The following NRCAM variants were observed in gnomAD, a reference collection of about 807,000 sequenced individuals.
NRCAM encodes neuronal cell adhesion molecule, also known as NgCAM-related cell adhesion molecule.
A neutral mutation model predicts 156.5 loss-of-function variants in NRCAM; 83 were observed. That is an observed-to-expected ratio of 0.53 (90% CI 0.44 to 0.64). The LOEUF is 0.64. Ranked by LOEUF, NRCAM falls within the 30% of genes least tolerant of loss-of-function variation. NRCAM has a pLI of 0.00. For missense variants in NRCAM, 1,417 were observed against 1,597.3 expected, an observed-to-expected ratio of 0.89 and a Z score of 1.92; for synonymous variants, 538 against 563.9, an observed-to-expected ratio of 0.95 and a Z score of 0.65.
intron 2 of NRCAM, among the ~76,000 whole-genome samples, chr7:108,323,751 T>C (rs2154215456): frequency 6.6e-6 from 1 of 152,138 alleles, no homozygotes; most frequent in South Asian, 2.1e-4. Context: ...ATATTGTGTT[T>C]TAGGTTGCAA....
In NRCAM at chr7:108,180,260, T is replaced by C; in HGVS notation, c.2814A>G (p.Pro938=). 9 of 1,614,254 alleles carry C rather than the reference T, an allele frequency of 5.6e-6. No individual in the cohort carries two copies. Among genetic ancestry groups the C allele is most frequent in the Non-Finnish European group, 7.6e-6 (9 of 1,180,038 alleles). The change falls in exon 25 of 33, where the codon CCA becomes CCG. Residue 938 remains proline, a synonymous_variant. Coordinates refer to ENST00000379028, the MANE Select transcript of NRCAM (RefSeq NM_001037132.4). ...TATTAAAGACTCTGTCAGGGCTGGCTGGGCCCTCCCCTTTCCCATTGACCA... is the reference window on the plus strand; with the variant it reads ...TATTAAAGACTCTGTCAGGGCTGGCCGGGCCCTCCCCTTTCCCATTGACCA... ...VRVVNGKGEG[P]ASPDRVFNTP... is the part of the protein sequence containing the mutation.
intron 2 of NRCAM, among the ~76,000 whole-genome samples, chr7:108,314,808 T>G (rs926338483): frequency 2.0e-5 from 3 of 152,212 alleles, no homozygotes; most frequent in Non-Finnish European, 4.4e-5. Flanking sequence ...AATCTGCTAT[T>G]ACAAGCAGTA....
chr7:108,285,628 C>G (rs1194562317), intron 3 of NRCAM, among the ~76,000 whole-genome samples: 1 of 152,190 alleles, frequency 6.6e-6, no homozygotes, highest in Non-Finnish European at 1.5e-5. Context: ...TCTCTCCAGA[C>G]TAGTGTCTTG....
At chr7:108,357,836 C>G (rs562708643) in intron 2 of NRCAM, among the ~76,000 whole-genome samples, 1 of 152,196 alleles carries the variant, frequency 6.6e-6, no homozygotes, top group East Asian at 1.9e-4. Context: ...TTGGGTTTTC[C>G]CCTCCATCTG....
At chr7:108,209,812 A>G (rs376163500) in intron 11 of NRCAM, among the ~76,000 whole-genome samples, 1 of 152,228 alleles carries the variant, frequency 6.6e-6, no homozygotes, top group South Asian at 2.1e-4. Context: ...TTGATGGCAC[A>G]CCATAAACTT....
In NRCAM at chr7:108,387,953, G is replaced by A. The variant is rs576633730; in HGVS notation, c.-174+11483C>T. On this transcript the variant is annotated intron_variant, in intron 2 of 32. Transcript: ENST00000379028. ...TGTGCCACATTTTCTTAATCCAGTC[G>A]ATCATTGATGGACATTTGAGTTGGT... Among the ~76,000 whole-genome samples, 21 of 152,092 alleles carry A rather than the reference G, an allele frequency of 1.4e-4. No homozygotes were observed. In the East Asian group the frequency reaches 2.1e-3, roughly 15 times the overall value.
intron 2 of NRCAM, among the ~76,000 whole-genome samples, chr7:108,384,893 G>C (rs1455792544): frequency 1.3e-5 from 2 of 152,212 alleles, no homozygotes; most frequent in Non-Finnish European, 2.9e-5. Flanking sequence ...ATACTAGCTT[G>C]CCCTAGTTAC....
chr7:108,419,183 T>C (rs1805859669), intron 1 of NRCAM, among the ~76,000 whole-genome samples: 1 of 152,220 alleles, frequency 6.6e-6, no homozygotes, highest in Non-Finnish European at 1.5e-5. Flanking sequence ...AAGATAACGT[T>C]AGTCATTGTA....
chr7:108,301,222 GAA>G (rs2098604636), intron 3 of NRCAM, among the ~76,000 whole-genome samples: 1 of 152,224 alleles, frequency 6.6e-6, no homozygotes, highest in East Asian at 1.9e-4. Context: ...CTTTTACCAG[GAA>G]AAGAGTTAAG....
intron 2 of NRCAM, chr7:108,328,675 G>A (rs987010287): frequency 6.6e-6 from 1 of 152,106 alleles, no homozygotes; most frequent in African/African-American, 2.4e-5. Context: ...ACATTTCTTC[G>A]TATCCATTTA....
intron 1 of NRCAM, among the ~76,000 whole-genome samples, chr7:108,417,417 C>A (rs1307613531): frequency 6.6e-6 from 1 of 152,106 alleles, no homozygotes; most frequent in Non-Finnish European, 1.5e-5. Context: ...GGGGGCCAAA[C>A]TCATCCTTTT....
At chr7:108,388,504 T>C (rs567757175) in intron 2 of NRCAM, among the ~76,000 whole-genome samples, 511 of 152,352 alleles carry the variant, frequency 3.4e-3, no homozygotes, top group Non-Finnish European at 5.9e-3. Flanking sequence ...TCCCATTCTG[T>C]AGGTTGCCTG....
At chr7:108,206,856 G>A (rs539539835) in intron 13 of NRCAM, among the ~76,000 whole-genome samples, 147 of 152,330 alleles carry the variant, frequency 9.7e-4, no homozygotes, top group Non-Finnish European at 1.7e-3. Context: ...AGTGGAAGGA[G>A]TGGAGCATCG....
chr7:108,322,021 A>T (rs1472557412), intron 2 of NRCAM, among the ~76,000 whole-genome samples: 3 of 152,232 alleles, frequency 2.0e-5, no homozygotes, highest in Non-Finnish European at 4.4e-5. Context: ...AGACTTTTTT[A>T]AAAAATTAGA....
chr7:108,333,287 C>A (rs191205646), intron 2 of NRCAM, among the ~76,000 whole-genome samples: 133 of 152,268 alleles, frequency 8.7e-4, no homozygotes, highest in Non-Finnish European at 1.6e-3. Context: ...CACGCACACA[C>A]ACGTGCACCC....
At chr7:108,156,225 G>C (rs927015365) in intron 32 of NRCAM, 1 of 865,234 alleles carries the variant, frequency 1.2e-6, no homozygotes, top group African/African-American at 1.8e-5. Flanking sequence ...GGGTTAGCAT[G>C]CTTGCCACAA....
intron 13 of NRCAM, among the ~76,000 whole-genome samples, chr7:108,200,403 GC>G (rs2077312295): frequency 6.6e-6 from 1 of 152,136 alleles, no homozygotes; most frequent in South Asian, 2.1e-4. Context: ...CCTTAGGGCA[GC>G]CATGGACCCT....
intron 1 of NRCAM, among the ~76,000 whole-genome samples, chr7:108,420,307 G>A (rs949130604): frequency 2.0e-5 from 3 of 152,100 alleles, no homozygotes; most frequent in African/African-American, 7.2e-5. Context: ...GATGTCTGAT[G>A]AGTGTCTCTT....
At chr7:108,203,451 T>TG (rs1376630624) in intron 13 of NRCAM, among the ~76,000 whole-genome samples, 4 of 148,034 alleles carry the variant, frequency 2.7e-5, no homozygotes, top group Non-Finnish European at 4.5e-5. Flanking sequence ...TTTTTCCAGT[T>TG]TTTTTTTTTT....
Sources: allele counts gnomAD v4.1 joint callset (sites outside exome capture counted in the v4.1 genomes callset), GRCh38; gene constraint gnomAD v4.1.1; transcripts MANE v1.5; gene names NCBI Gene and HGNC (gene_info 2026-07-23, HGNC 2026-07-21).